Variants in MKLN1 observed in about 807,000 individuals in gnomAD.
The protein encoded by MKLN1 is muskelin 1, also known as muskelin.
MKLN1 carries 18 observed loss-of-function variants against 99.0 expected under a neutral mutation model. The ratio of observed to expected loss-of-function variants is 0.18; its 90% CI spans 0.13 to 0.27. The LOEUF is 0.27. Among genes scored for constraint, MKLN1 ranks in the 10% least tolerant of loss-of-function variants. The pLI is 1.00. For missense variants in MKLN1, 621 were observed against 875.9 expected, an observed-to-expected ratio of 0.71 and a Z score of 3.67; for synonymous variants, 288 against 293.2, an observed-to-expected ratio of 0.98 and a Z score of 0.18.
At chr7:131,175,961 G>A (rs568204187) in intron 2 of MKLN1, among the ~76,000 whole-genome samples, 3 of 151,922 alleles carry the variant, frequency 2.0e-5, no homozygotes, top group South Asian at 4.2e-4. Context: ...AAAAGCAAAC[G>A]AACAAATACC....
At chr7:131,165,572 A>C (rs1796112051) in intron 2 of MKLN1, among the ~76,000 whole-genome samples, 2 of 152,218 alleles carry the variant, frequency 1.3e-5, no homozygotes, top group South Asian at 4.1e-4. Context: ...GAGCTGGTTC[A>C]AGGAACTTGT....
chr7:131,325,907 G>C (rs953463837), upstream of MKLN1, among the ~76,000 whole-genome samples: 8 of 148,848 alleles, frequency 5.4e-5, no homozygotes, highest in Admixed American at 2.0e-4. Flanking sequence ...AAGTGGGGGG[G>C]GGGTGGTGGT....
In MKLN1 at chr7:131,199,210, TATAAA is replaced by T. The variant is rs1426633772; in HGVS notation, c.-296-3636_-296-3632del. Among the ~76,000 whole-genome samples, 5 of 150,990 alleles carry T rather than the reference TATAAA, an allele frequency of 3.3e-5. No homozygotes were observed. The East Asian group carries it at 7.8e-4, about 24-fold the overall frequency. On this transcript the variant is annotated intron_variant, in intron 2 of 7. Transcript: ENST00000416992. Reference sequence around the variant, plus strand: ...TGAATTGAGGGTTAAAGCATGGACATATAAAATAAAATAAAGATGTTTGCTAATTT... The same window carrying T: ...TGAATTGAGGGTTAAAGCATGGACATATAAAATAAAGATGTTTGCTAATTT...
intron 7 of MKLN1, 26 bp from the exon 8 acceptor site, chr7:131,414,619 A>C: frequency 6.5e-7 from 1 of 1,535,378 alleles, no homozygotes; most frequent in East Asian, 2.3e-5. Context: ...TTATTCCTTT[A>C]AAAGAAACTA....
intron 2 of MKLN1, among the ~76,000 whole-genome samples, chr7:131,144,896 G>C (rs1047090108): frequency 7.9e-5 from 12 of 152,114 alleles, no homozygotes; most frequent in Admixed American, 7.2e-4. Context: ...AGAATCGCTT[G>C]AACCCGGTAG....
chr7:131,470,558 G>A (rs1425251186), intron 15 of MKLN1, among the ~76,000 whole-genome samples: 1 of 152,116 alleles, frequency 6.6e-6, no homozygotes. Context: ...AGTTGGTTTA[G>A]TGCTACCTTG....
intron 2 of MKLN1, among the ~76,000 whole-genome samples, chr7:131,175,030 A>AGATGGATG (rs66786066): frequency 4.9e-4 from 73 of 148,362 alleles, no homozygotes; most frequent in Admixed American, 1.8e-3. Flanking sequence ...ATAGATAGGC[A>AGATGGATG]GATGGATGGA....
At chr7:131,300,491 GC>G (rs1293480007) in intron 3 of MKLN1, among the ~76,000 whole-genome samples, 4 of 147,520 alleles carry the variant, frequency 2.7e-5, no homozygotes, top group African/African-American at 1.0e-4. Context: ...GACCAGCCTG[GC>G]CAAGATGGCA....
At chr7:131,370,177 T>G (rs1800303733) in intron 1 of MKLN1, among the ~76,000 whole-genome samples, 1 of 152,144 alleles carries the variant, frequency 6.6e-6, no homozygotes, top group Admixed American at 6.5e-5. Flanking sequence ...GGAGTTAACT[T>G]TCTTCTGATG....
intron 1 of MKLN1, among the ~76,000 whole-genome samples, chr7:131,115,651 C>T (rs766532353): frequency 1.2e-4 from 18 of 152,182 alleles, no homozygotes; most frequent in Middle Eastern, 3.2e-3. Context: ...ACGGCATCCC[C>T]GACCACCTCT....
intron 3 of MKLN1, among the ~76,000 whole-genome samples, chr7:131,319,624 G>C (rs1370788022): frequency 6.6e-6 from 1 of 152,120 alleles, no homozygotes; most frequent in Non-Finnish European, 1.5e-5. Flanking sequence ...GAAATAAAGG[G>C]TATTCAAATA....
At chr7:131,363,937 A>G (rs764223239) in intron 1 of MKLN1, among the ~76,000 whole-genome samples, 2 of 152,092 alleles carry the variant, frequency 1.3e-5, no homozygotes, top group African/African-American at 2.4e-5. Flanking sequence ...CCCAGAGCCT[A>G]TCACATTGTC....
intron 1 of MKLN1, among the ~76,000 whole-genome samples, chr7:131,339,635 G>A (rs1799347826): frequency 6.6e-6 from 1 of 152,012 alleles, no homozygotes; most frequent in South Asian, 2.1e-4. Flanking sequence ...GGAGGTGGAG[G>A]TTGCAGCGAG....
chr7:131,281,585 A>T (rs1330165800), intron 3 of MKLN1, among the ~76,000 whole-genome samples: 1 of 151,982 alleles, frequency 6.6e-6, no homozygotes, highest in Non-Finnish European at 1.5e-5. Context: ...TGGGATTTTG[A>T]TGGAGATTGC....
At chr7:131,319,513 A>G (rs1309707587) in intron 3 of MKLN1, among the ~76,000 whole-genome samples, 1 of 152,228 alleles carries the variant, frequency 6.6e-6, no homozygotes, top group Admixed American at 6.5e-5. Context: ...AGCTGGAGGC[A>G]TTCCCTTTGA....
At chr7:131,197,933 C>T (rs963695210) in intron 2 of MKLN1, among the ~76,000 whole-genome samples, 19 of 152,078 alleles carry the variant, frequency 1.2e-4, no homozygotes, top group African/African-American at 3.4e-4. Context: ...CTCCCAGGCT[C>T]AAGCTGTCCT....
chr7:131,169,470 T>A (rs1216301351), intron 2 of MKLN1, among the ~76,000 whole-genome samples: 1 of 152,214 alleles, frequency 6.6e-6, no homozygotes, highest in Admixed American at 6.5e-5. Context: ...TTTAACTACT[T>A]TGATTATCTG....
upstream of MKLN1, chr7:131,327,838 G>C: frequency 6.3e-7 from 1 of 1,592,282 alleles, no homozygotes; most frequent in South Asian, 1.1e-5. Context: ...AGCAGGCCAC[G>C]CCCCCTCCCC....
intron 1 of MKLN1, 23 bp downstream of exon 1, chr7:131,328,020 G>A (rs1798939586): frequency 6.2e-7 from 1 of 1,612,532 alleles, no homozygotes; most frequent in South Asian, 1.1e-5. Flanking sequence ...CCTTGAGCTC[G>A]TGCTGCCCCA....
Sources: allele counts gnomAD v4.1 joint callset (sites outside exome capture counted in the v4.1 genomes callset), GRCh38; gene constraint gnomAD v4.1.1; transcripts MANE v1.5; gene names NCBI Gene and HGNC (gene_info 2026-07-23, HGNC 2026-07-21).